Variants in CDYL2 observed in about 807,000 individuals in gnomAD.
CDYL2 encodes chromodomain Y-like protein 2.
A neutral mutation model predicts 49.4 loss-of-function variants in CDYL2; 23 were observed. The ratio of observed to expected loss-of-function variants is 0.47; its 90% CI spans 0.34 to 0.66. The LOEUF (loss-of-function observed/expected upper bound fraction) is 0.66. Ranked by LOEUF, CDYL2 falls within the 30% of genes least tolerant of loss-of-function variation. The pLI, the probability that CDYL2 is intolerant of heterozygous loss-of-function variation, is 0.01. For synonymous variants in CDYL2, 360 were observed against 268.8 expected (o/e 1.34, Z -3.32); for missense variants, 678 against 656.4 (o/e 1.03, Z -0.36).
intron 1 of CDYL2, among the ~76,000 whole-genome samples, chr16:80,786,295 T>A (rs958694092): frequency 2.0e-5 from 3 of 152,090 alleles, no homozygotes; most frequent in Admixed American, 1.3e-4. Context: ...CAACAAAAAA[T>A]GGGCAAAGGA....
chr16:80,714,007 T>A (rs972368591), intron 1 of CDYL2, among the ~76,000 whole-genome samples: 1 of 152,162 alleles, frequency 6.6e-6, no homozygotes, highest in Admixed American at 6.5e-5. Flanking sequence ...GTGCCGAACA[T>A]TGTGGAGGAA....
rs369077011 is a variant in CDYL2 at position 80,626,135 on chromosome 16, CA to C, written c.835-5201del. 4.9e-3 allele frequency among the ~76,000 whole-genome samples: 677 copies of C among 139,532 alleles called. 2 individuals are homozygous for C. Among genetic ancestry groups the C allele is most frequent in the Non-Finnish European group, 6.5e-3 (415 of 63,864 alleles). 91.5% of individuals were successfully genotyped at this position (139,532 alleles called of 152,430 possible). ...TGAAACCCCAACTCTCCTAAAAATA[CA>C]AAAAAAAAAAAATTAGCCAGGCATG... On this transcript the variant is annotated intron_variant, in intron 3 of 6. Transcript: ENST00000570137.
rs1173427584 is a variant in CDYL2, at chr16:80,678,285, T to G, written c.616+6253A>C. 1.4e-4 allele frequency among the ~76,000 whole-genome samples: 22 copies of G among 152,218 alleles called. No individual in the cohort carries two copies. In the East Asian group the frequency reaches 3.5e-3, roughly 24 times the overall value. On this transcript the variant is annotated intron_variant, in intron 2 of 6. Transcript: ENST00000570137. ...TGGGATCTAATTAAACTAAAGAGCT[T>G]CTGTACAGCAAAAGAAACTACCATC...
chr16:80,787,224 C>T (rs1334044537), intron 1 of CDYL2, among the ~76,000 whole-genome samples: 1 of 152,094 alleles, frequency 6.6e-6, no homozygotes, highest in Non-Finnish European at 1.5e-5. Flanking sequence ...AAATGAGTGC[C>T]TTGAATGGCA....
chr16:80,706,483 G>T (rs1328025308), intron 1 of CDYL2, among the ~76,000 whole-genome samples: 1 of 152,132 alleles, frequency 6.6e-6, no homozygotes, highest in Non-Finnish European at 1.5e-5. Context: ...TGAACACTGG[G>T]AATCATGATC....
At chr16:80,693,688 T>G (rs1057477234) in intron 1 of CDYL2, among the ~76,000 whole-genome samples, 1 of 152,198 alleles carries the variant, frequency 6.6e-6, no homozygotes, top group African/African-American at 2.4e-5. Flanking sequence ...AGGGGATGAT[T>G]ACCAATCGGC....
intron 2 of CDYL2, among the ~76,000 whole-genome samples, chr16:80,673,951 A>T (rs7187646): frequency 0.61 from 92,966 of 151,926 alleles, 28,934 homozygotes; most frequent in Middle Eastern, 0.78. Context: ...AGCCGAGGAG[A>T]ACGTGCAGCC....
At chr16:80,797,252 A>G (rs1438724629) in intron 1 of CDYL2, among the ~76,000 whole-genome samples, 3 of 152,154 alleles carry the variant, frequency 2.0e-5, no homozygotes, top group Admixed American at 6.5e-5. Flanking sequence ...AACACTCCAA[A>G]CTCACTGTCC....
chr16:80,640,311 C>T (rs67796410), intron 2 of CDYL2, among the ~76,000 whole-genome samples: 21,245 of 152,138 alleles, frequency 0.14, 1,853 homozygotes, highest in Middle Eastern at 0.2. Context: ...TGGTCAGAGT[C>T]ATGAGGCCCA....
At chr16:80,768,323 A>G (rs985963787) in intron 1 of CDYL2, among the ~76,000 whole-genome samples, 3 of 152,184 alleles carry the variant, frequency 2.0e-5, no homozygotes, top group Non-Finnish European at 4.4e-5. Context: ...TCCACTCATC[A>G]CTATCCCCAA....
chr16:80,759,328 G>C (rs1466066588), intron 1 of CDYL2, among the ~76,000 whole-genome samples: 2 of 151,484 alleles, frequency 1.3e-5, no homozygotes, highest in African/African-American at 4.9e-5. Flanking sequence ...GATGACACTT[G>C]AAATTTGAAA....
At chr16:80,617,674 T>C (rs1015764635) in intron 4 of CDYL2, among the ~76,000 whole-genome samples, 1 of 152,122 alleles carries the variant, frequency 6.6e-6, no homozygotes, top group Non-Finnish European at 1.5e-5. Flanking sequence ...CCCGGGAGCA[T>C]CTGTCTCTAC....
intron 1 of CDYL2, among the ~76,000 whole-genome samples, chr16:80,731,584 GA>G (rs1200368332): frequency 2.0e-5 from 3 of 152,276 alleles, no homozygotes; most frequent in Non-Finnish European, 4.4e-5. Context: ...ATAAGACTGT[GA>G]AATCTTCTGG....
rs1390656668 is a variant in CDYL2 at position 80,597,972 on chromosome 16, G to C, written c.*6416C>G. The C allele has an allele frequency of 6.6e-6, 1 of 152,136 alleles. No homozygotes were observed. Among genetic ancestry groups the C allele is most frequent in the Admixed American group, 6.5e-5 (1 of 15,272 alleles). The allele number at this position is 152,136 out of a possible 1,614,324, so 9.4% of individuals were successfully genotyped here. ...ATAAATACTGCATATTAGCACACAT[G>C]AAAAATACAACTTCTAAGGCACCCA... On this transcript the variant is annotated 3_prime_UTR_variant, in exon 7 of 7. Coordinates refer to ENST00000570137, the MANE Select transcript of CDYL2 (RefSeq NM_152342.4).
chr16:80,632,387 A>C (rs1907603589), intron 3 of CDYL2, among the ~76,000 whole-genome samples: 1 of 152,072 alleles, frequency 6.6e-6, no homozygotes, highest in Admixed American at 6.5e-5. Context: ...CAGAAAGTAG[A>C]TGAGTGGTTT....
Position 80,677,030 on chromosome 16 carries a change from G to T in CDYL2, c.616+7508C>A, listed in dbSNP as rs567469766. ...CTGTCGCCCAGGCTGGAGTGCAGTGGCACAATCACAGCTCACTGCAGCCTC... is the reference window on the plus strand; with the variant it reads ...CTGTCGCCCAGGCTGGAGTGCAGTGTCACAATCACAGCTCACTGCAGCCTC... On this transcript the variant is annotated intron_variant, in intron 2 of 6. Transcript: ENST00000570137. Among the ~76,000 whole-genome samples the T allele has an allele frequency of 7.7e-5, 11 of 143,400 alleles. No homozygotes were observed. In the South Asian group the frequency reaches 1.8e-3, roughly 24 times the overall value. The allele number at this position is 143,400 out of a possible 152,430, so 94.1% of individuals were successfully genotyped here.
chr16:80,686,440 T>C (rs772193596), intron 1 of CDYL2, among the ~76,000 whole-genome samples: 6 of 152,244 alleles, frequency 3.9e-5, no homozygotes, highest in Admixed American at 6.5e-5. Context: ...AATATCAATA[T>C]AATATGCTTT....
chr16:80,745,287 T>G (rs1490228377), intron 1 of CDYL2, among the ~76,000 whole-genome samples: 1 of 152,160 alleles, frequency 6.6e-6, no homozygotes, highest in Non-Finnish European at 1.5e-5. Flanking sequence ...ACCTCTTCTG[T>G]GTCACCTGAG....
intron 2 of CDYL2, among the ~76,000 whole-genome samples, chr16:80,657,542 A>T (rs568562247): frequency 2.6e-5 from 4 of 152,324 alleles, no homozygotes; most frequent in South Asian, 2.1e-4. Context: ...AAATCCACCC[A>T]AAAGAATAGT....
Sources: allele counts gnomAD v4.1 joint callset (sites outside exome capture counted in the v4.1 genomes callset), GRCh38; gene constraint gnomAD v4.1.1; transcripts MANE v1.5; gene names NCBI Gene and HGNC (gene_info 2026-07-23, HGNC 2026-07-21).